The following ELMO1 variants were observed in gnomAD, a reference collection of about 807,000 sequenced individuals.
ELMO1 encodes the protein engulfment and cell motility protein 1.
ELMO1 carries 26 observed loss-of-function variants against 98.9 expected under a neutral mutation model. The ratio of observed to expected loss-of-function variants is 0.26; its 90% CI spans 0.19 to 0.36. ELMO1 has a LOEUF of 0.36. Ranked by LOEUF, ELMO1 falls within the 10% of genes least tolerant of loss-of-function variation. The pLI, the probability that ELMO1 is intolerant of heterozygous loss-of-function variation, is 1.00. For synonymous variants in ELMO1, 346 were observed against 346.0 expected, an observed-to-expected ratio of 1.00 and a Z score of 0.00; for missense variants, 627 against 935.2, an observed-to-expected ratio of 0.67 and a Z score of 4.30.
chr7:37,402,309 C>T (rs73693564), intron 1 of ELMO1, among the ~76,000 whole-genome samples: 5,134 of 152,196 alleles, frequency 0.034, 229 homozygotes, highest in East Asian at 0.15. Flanking sequence ...TAGAGAGACT[C>T]TAAATTACTG....
intron 1 of ELMO1, among the ~76,000 whole-genome samples, chr7:37,443,261 G>A (rs1805482584): frequency 6.6e-6 from 1 of 152,152 alleles, no homozygotes; most frequent in Admixed American, 6.5e-5. Flanking sequence ...GTTTTCTACT[G>A]AGGAAAGTTT....
intron 1 of ELMO1, among the ~76,000 whole-genome samples, chr7:37,446,220 C>T (rs972114548): frequency 6.6e-6 from 1 of 152,186 alleles, no homozygotes; most frequent in African/African-American, 2.4e-5. Context: ...TATTGAGCAC[C>T]GACATCATGC....
chr7:37,322,822 GA>G (rs927557763), intron 2 of ELMO1, among the ~76,000 whole-genome samples: 40 of 151,524 alleles, frequency 2.6e-4, no homozygotes, highest in African/African-American at 9.7e-4. Context: ...GCTCTGTCTC[GA>G]AAAAAAATTG....
At chr7:37,069,233 G>A (rs1363669542) in intron 15 of ELMO1, among the ~76,000 whole-genome samples, 3 of 152,064 alleles carry the variant, frequency 2.0e-5, no homozygotes, top group African/African-American at 7.2e-5. Context: ...TCTAACTAGA[G>A]ACAAAAGGAA....
chr7:36,967,839 TAAAC>T (rs989379065), intron 16 of ELMO1, among the ~76,000 whole-genome samples: 5 of 152,218 alleles, frequency 3.3e-5, no homozygotes, highest in Admixed American at 6.5e-5. Flanking sequence ...AAATGGAAAG[TAAAC>T]AAACTAACCA....
At chr7:37,278,921 G>C (rs1394654418) in intron 4 of ELMO1, among the ~76,000 whole-genome samples, 1 of 152,036 alleles carries the variant, frequency 6.6e-6, no homozygotes, top group East Asian at 1.9e-4. Flanking sequence ...TGTGTGAGGG[G>C]CCAGGCGCGG....
chr7:37,004,979 C>T (rs886500892), intron 16 of ELMO1, among the ~76,000 whole-genome samples: 10 of 151,416 alleles, frequency 6.6e-5, no homozygotes, highest in South Asian at 6.3e-4. Flanking sequence ...CATGGTGGTG[C>T]GTGCCTGTAA....
chr7:37,112,615 G>C (rs1371827431), intron 14 of ELMO1, among the ~76,000 whole-genome samples: 1 of 152,214 alleles, frequency 6.6e-6, no homozygotes, highest in East Asian at 1.9e-4. Context: ...CAACCAAAGA[G>C]AAGTTAGTTG....
In ELMO1 at chr7:36,939,057, T is replaced by TA. The variant is rs200922682; in HGVS notation, c.1438-44041dup. On this transcript the variant is annotated intron_variant, in intron 16 of 21. Coordinates refer to ENST00000310758, the MANE Select transcript of ELMO1 (RefSeq NM_014800.11). ...AAACAAAGCTATAGACATTGCTAAT[T>TA]AAAAAAAAAATGAACATGTATTTAC... Among the ~76,000 whole-genome samples the TA allele has an allele frequency of 6.2e-4, 92 of 148,486 alleles. 1 individual carries two copies. The East Asian group carries it at 8.2e-3, about 13-fold the overall frequency.
chr7:37,312,386 C>A (rs1369280078), intron 4 of ELMO1, among the ~76,000 whole-genome samples: 1 of 152,216 alleles, frequency 6.6e-6, no homozygotes, highest in Non-Finnish European at 1.5e-5. Flanking sequence ...ACGTGCCCAG[C>A]CCACATTCCT....
intron 4 of ELMO1, among the ~76,000 whole-genome samples, chr7:37,289,634 G>T (rs1215148160): frequency 6.6e-6 from 1 of 152,166 alleles, no homozygotes; most frequent in Non-Finnish European, 1.5e-5. Flanking sequence ...ACGAAGAGAG[G>T]ATGCCAGAAA....
At chr7:37,373,442 A>G (rs542443987) in intron 1 of ELMO1, among the ~76,000 whole-genome samples, 46 of 152,154 alleles carry the variant, frequency 3.0e-4, no homozygotes, top group African/African-American at 1.1e-3. Flanking sequence ...CCCAGTCTCT[A>G]TTAAAAATTA....
At chr7:36,988,876 T>C (rs1217259859) in intron 16 of ELMO1, among the ~76,000 whole-genome samples, 1 of 152,208 alleles carries the variant, frequency 6.6e-6, no homozygotes, top group Non-Finnish European at 1.5e-5. Flanking sequence ...TGACAATGCA[T>C]TGCAGTGCTC....
chr7:37,398,816 C>T (rs1174188895), intron 1 of ELMO1, among the ~76,000 whole-genome samples: 3 of 152,222 alleles, frequency 2.0e-5, no homozygotes, highest in African/African-American at 4.8e-5. Context: ...GCCAGGTCTG[C>T]ATCTACAATG....
chr7:37,422,232 CA>C (rs972099556), intron 1 of ELMO1, among the ~76,000 whole-genome samples: 2 of 152,198 alleles, frequency 1.3e-5, no homozygotes, highest in African/African-American at 4.8e-5. Flanking sequence ...ATTGACTACC[CA>C]TTATATGCAT....
chr7:36,987,750 C>T (rs1562879529), intron 16 of ELMO1, among the ~76,000 whole-genome samples: 1 of 152,328 alleles, frequency 6.6e-6, no homozygotes, highest in East Asian at 1.9e-4. Flanking sequence ...ATCCATCCAA[C>T]TCCAAATGCT....
At chr7:37,029,069 G>T (rs911447069) in intron 15 of ELMO1, among the ~76,000 whole-genome samples, 1 of 152,036 alleles carries the variant, frequency 6.6e-6, no homozygotes, top group Non-Finnish European at 1.5e-5. Flanking sequence ...TGACTTGCCC[G>T]AGTCACACAG....
At chr7:37,403,823 G>C (rs1803633761) in intron 1 of ELMO1, among the ~76,000 whole-genome samples, 1 of 152,142 alleles carries the variant, frequency 6.6e-6, no homozygotes, top group South Asian at 2.1e-4. Context: ...TGGGATTACG[G>C]GCATGAGCCA....
chr7:37,084,206 C>T (rs1251878001), intron 15 of ELMO1, among the ~76,000 whole-genome samples: 1 of 152,076 alleles, frequency 6.6e-6, no homozygotes, highest in East Asian at 1.9e-4. Context: ...AAGAGGAGCC[C>T]TTTAGTATAA....
Sources: gnomAD v4.1 joint callset for allele counts (sites outside exome capture counted in the v4.1 genomes callset) on GRCh38, gnomAD v4.1.1 for gene constraint, MANE v1.5 for transcripts, NCBI Gene and HGNC (gene_info 2026-07-23, HGNC 2026-07-21) for gene names.